Variants in CNTN4 observed in about 807,000 individuals in gnomAD.
CNTN4 encodes the protein contactin 4.
Under a neutral mutation model 122.5 loss-of-function variants are expected in CNTN4, and 77 were observed. The ratio of observed to expected loss-of-function variants is 0.63; its 90% CI spans 0.52 to 0.76. CNTN4 has a LOEUF of 0.76. Among genes scored for constraint, CNTN4 ranks in the 30% least tolerant of loss-of-function variants. The probability of loss-of-function intolerance (pLI) is 0.00; values close to 1 mark genes in which losing one functional copy is unlikely to be tolerated. For missense variants in CNTN4, 1,256 were observed against 1,259.1 expected, an observed-to-expected ratio of 1.00 and a Z score of 0.04; for synonymous variants, 512 against 447.0, an observed-to-expected ratio of 1.15 and a Z score of -1.83.
intron 4 of CNTN4, among the ~76,000 whole-genome samples, chr3:2,625,169 G>A (rs1375049103): frequency 2.0e-5 from 3 of 152,064 alleles, no homozygotes; most frequent in Non-Finnish European, 4.4e-5. Context: ...TGCTTAATAA[G>A]AATTGTAACC....
At chr3:2,432,670 A>G (rs1043743322) in intron 3 of CNTN4, among the ~76,000 whole-genome samples, 1 of 151,936 alleles carries the variant, frequency 6.6e-6, no homozygotes, top group Non-Finnish European at 1.5e-5. Flanking sequence ...GTGTATATAT[A>G]TGTGTGTGTA....
At chr3:3,055,544 T>C (rs1701706178) in intron 24 of CNTN4, among the ~76,000 whole-genome samples, 1 of 152,130 alleles carries the variant, frequency 6.6e-6, no homozygotes, top group Admixed American at 6.5e-5. Flanking sequence ...GTAAGACCCA[T>C]AAGAAAATTT....
intron 3 of CNTN4, among the ~76,000 whole-genome samples, chr3:2,532,824 T>A (rs923805265): frequency 2.0e-5 from 3 of 152,134 alleles, no homozygotes; most frequent in Non-Finnish European, 2.9e-5. Flanking sequence ...TTCCCTGAAG[T>A]TTTTTTATTT....
At chr3:2,347,146 A>G (rs1283305202) in intron 3 of CNTN4, among the ~76,000 whole-genome samples, 1 of 39,558 alleles carries the variant, frequency 2.5e-5, no homozygotes, top group Non-Finnish European at 6.3e-5. Context: ...ATGCTGCATT[A>G]TTAGCAAACA....
intron 7 of CNTN4, 186 bp from the exon 8 acceptor site, chr3:2,866,566 C>A: frequency 8.2e-7 from 1 of 1,225,276 alleles, no homozygotes; most frequent in Non-Finnish European, 1.1e-6. Context: ...ACCTTATTGA[C>A]TGATAGTAGA....
intron 3 of CNTN4, among the ~76,000 whole-genome samples, chr3:2,416,876 G>T (rs889692622): frequency 1.8e-4 from 27 of 151,790 alleles, no homozygotes; most frequent in African/African-American, 6.3e-4. Context: ...GGATGGCCTC[G>T]AGCTCCTGAC....
chr3:2,106,056 C>G (rs1012293749), intron 2 of CNTN4, among the ~76,000 whole-genome samples: 1 of 152,238 alleles, frequency 6.6e-6, no homozygotes, highest in Admixed American at 6.5e-5. Flanking sequence ...TCTTCTTTAA[C>G]TCTATGTCTC....
intron 3 of CNTN4, among the ~76,000 whole-genome samples, chr3:2,440,329 TC>T (rs2048390714): frequency 1.3e-5 from 2 of 152,304 alleles, no homozygotes; most frequent in South Asian, 4.1e-4. Flanking sequence ...CACACTGACC[TC>T]AGATCCATTA....
intron 13 of CNTN4, among the ~76,000 whole-genome samples, chr3:2,931,237 C>T (rs1032667186): frequency 6.6e-6 from 1 of 151,960 alleles, no homozygotes; most frequent in African/African-American, 2.4e-5. Flanking sequence ...GATATACGGA[C>T]TATTAAAGGG....
At chr3:2,122,511 C>T (rs1416949661) in intron 2 of CNTN4, among the ~76,000 whole-genome samples, 2 of 152,160 alleles carry the variant, frequency 1.3e-5, no homozygotes, top group Non-Finnish European at 2.9e-5. Context: ...GGCCATAATA[C>T]TAGAACTTGC....
chr3:2,928,160 C>G (rs540588411), intron 13 of CNTN4, among the ~76,000 whole-genome samples: 7 of 152,272 alleles, frequency 4.6e-5, no homozygotes, highest in African/African-American at 1.7e-4. Context: ...TTTGTTTGAG[C>G]TTCCATTTTT....
At chr3:2,120,354 TATATATATATATATATATAA>T (rs1427747896) in intron 2 of CNTN4, among the ~76,000 whole-genome samples, 5 of 45,852 alleles carry the variant, frequency 1.1e-4, no homozygotes, top group South Asian at 4.7e-4. Context: ...ATTTAGGTTA[TATATATATATATATATATAA>T]ATATATATAT....
chr3:2,588,968 C>A (rs1452512255), intron 4 of CNTN4, among the ~76,000 whole-genome samples: 1 of 152,072 alleles, frequency 6.6e-6, no homozygotes, highest in East Asian at 1.9e-4. Context: ...TGATGTAAAT[C>A]AATTTGGGGC....
At chr3:2,516,488 G>T (rs73000081) in intron 3 of CNTN4, among the ~76,000 whole-genome samples, 13,433 of 152,096 alleles carry the variant, frequency 0.088, 771 homozygotes, top group Middle Eastern at 0.14. Context: ...CTGTTGACTT[G>T]AGATGTTCAA....
At chr3:2,198,493 A>G (rs1575064090) in intron 2 of CNTN4, among the ~76,000 whole-genome samples, 1 of 152,192 alleles carries the variant, frequency 6.6e-6, no homozygotes, top group South Asian at 2.1e-4. Flanking sequence ...GTGAAATCAT[A>G]CAGAGATATG....
intron 12 of CNTN4, among the ~76,000 whole-genome samples, chr3:2,922,278 C>T (rs1041075556): frequency 2.0e-5 from 3 of 152,306 alleles, no homozygotes; most frequent in African/African-American, 7.2e-5. Flanking sequence ...ACTTTTAAAA[C>T]CTCATTACCT....
chr3:3,004,406 A>C (rs1049215935), intron 14 of CNTN4, among the ~76,000 whole-genome samples: 4 of 152,162 alleles, frequency 2.6e-5, no homozygotes, highest in African/African-American at 9.6e-5. Flanking sequence ...GCTCTACAAA[A>C]TCTGGGCACC....
At chr3:2,379,275 T>C (rs943810651) in intron 3 of CNTN4, among the ~76,000 whole-genome samples, 38 of 152,126 alleles carry the variant, frequency 2.5e-4, no homozygotes, top group Non-Finnish European at 3.4e-4. Flanking sequence ...CCTTTTTTTT[T>C]CTTCTGTTTT....
intron 2 of CNTN4, among the ~76,000 whole-genome samples, chr3:2,104,116 C>G (rs1030179698): frequency 6.6e-6 from 1 of 151,994 alleles, no homozygotes; most frequent in African/African-American, 2.4e-5. Context: ...TTCCCAGAAG[C>G]CCCTGTTCAT....
Sources: gnomAD v4.1 joint callset for allele counts (sites outside exome capture counted in the v4.1 genomes callset) on GRCh38, gnomAD v4.1.1 for gene constraint, MANE v1.5 for transcripts, NCBI Gene and HGNC (gene_info 2026-07-23, HGNC 2026-07-21) for gene names.